Variants in USP34 observed in about 807,000 individuals in gnomAD.
USP34 encodes the protein ubiquitin specific peptidase 34.
Under a neutral mutation model 460.3 loss-of-function variants are expected in USP34, and 70 were observed. That is an observed-to-expected ratio of 0.15 (90% CI 0.13 to 0.19). USP34 has a LOEUF of 0.19. Ranked by LOEUF, USP34 falls within the 10% of genes least tolerant of loss-of-function variation. USP34 has a pLI of 1.00. For missense variants in USP34, 3,985 were observed against 4,236.2 expected (o/e 0.94, Z 1.65); for synonymous variants, 1,647 against 1,405.3 (o/e 1.17, Z -3.85).
chr2:61,267,295 C>G (rs1376617383), intron 41 of USP34, among the ~76,000 whole-genome samples: 1 of 152,140 alleles, frequency 6.6e-6, no homozygotes, highest in Non-Finnish European at 1.5e-5. Flanking sequence ...CAGGGAAACT[C>G]TTGAAAGACG....
intron 1 of USP34, among the ~76,000 whole-genome samples, chr2:61,427,220 G>C: frequency 6.6e-6 from 1 of 152,172 alleles, no homozygotes; most frequent in East Asian, 1.9e-4. Flanking sequence ...AGTAGAGACA[G>C]GGTTTCACCA....
intron 37 of USP34, 42 bp downstream of exon 37, chr2:61,283,100 AAAC>A (rs747445886): frequency 3.1e-5 from 49 of 1,591,410 alleles, no homozygotes; most frequent in Admixed American, 1.4e-4. Context: ...AATAACATGA[AAAC>A]ATACAAAAAA....
intron 1 of USP34, among the ~76,000 whole-genome samples, chr2:61,424,142 T>C (rs1694442308): frequency 6.6e-6 from 1 of 152,156 alleles, no homozygotes; most frequent in African/African-American, 2.4e-5. Context: ...GCATATATAC[T>C]GAAATGAATT....
At chr2:61,467,466 T>C (rs1695807459) in intron 1 of USP34, among the ~76,000 whole-genome samples, 1 of 151,964 alleles carries the variant, frequency 6.6e-6, no homozygotes, top group African/African-American at 2.4e-5. Flanking sequence ...TGAGGTTGCT[T>C]TAATACTAAT....
chr2:61,470,524 G>C, intron 1 of USP34, 126 bp downstream of exon 1: 2 of 418,260 alleles, frequency 4.8e-6, no homozygotes, highest in Non-Finnish European at 8.3e-6. Flanking sequence ...TTCCCGGGGC[G>C]CTAGGCCCGC....
intron 3 of USP34, among the ~76,000 whole-genome samples, chr2:61,401,899 C>A (rs1693732967): frequency 6.6e-6 from 1 of 150,728 alleles, no homozygotes; most frequent in African/African-American, 2.4e-5. Context: ...AAAAAACTTA[C>A]AACACTAGAG....
At chr2:61,263,476 T>C (rs963167797) in intron 43 of USP34, among the ~76,000 whole-genome samples, 1 of 147,358 alleles carries the variant, frequency 6.8e-6, no homozygotes, top group Admixed American at 6.8e-5. Flanking sequence ...CTACTGCGCC[T>C]GGCCAAAGGC....
chr2:61,221,713 G>T, intron 65 of USP34, 107 bp from the exon 66 acceptor site: 1 of 1,012,586 alleles, frequency 9.9e-7, no homozygotes, highest in Non-Finnish European at 1.4e-6. Context: ...TCTGTGTTAG[G>T]GAAGGAGAGC....
At chr2:61,469,738 T>C (rs1000630825) in intron 1 of USP34, among the ~76,000 whole-genome samples, 1 of 152,176 alleles carries the variant, frequency 6.6e-6, no homozygotes, top group Non-Finnish European at 1.5e-5. Context: ...TTTTCAACAA[T>C]CAACTTTTTG....
intron 67 of USP34, chr2:61,220,091 A>G (rs560437014): frequency 2.4e-6 from 1 of 415,588 alleles, no homozygotes; most frequent in Admixed American, 4.3e-5. Flanking sequence ...CTTATCAAGC[A>G]AGGAAACAAA....
At chr2:61,355,380 A>G (rs1692071801) in intron 10 of USP34, among the ~76,000 whole-genome samples, 2 of 152,340 alleles carry the variant, frequency 1.3e-5, no homozygotes, top group Admixed American at 6.5e-5. Flanking sequence ...TTAAAAAACA[A>G]AGAATAATTA....
intron 1 of USP34, among the ~76,000 whole-genome samples, chr2:61,440,084 A>T (rs1694922616): frequency 6.6e-6 from 1 of 152,074 alleles, no homozygotes; most frequent in African/African-American, 2.4e-5. Flanking sequence ...CTGAGGGCTC[A>T]CTGAGGCACC....
At chr2:61,252,012 A>G (rs1688598144) in intron 48 of USP34, among the ~76,000 whole-genome samples, 1 of 151,964 alleles carries the variant, frequency 6.6e-6, no homozygotes, top group Non-Finnish European at 1.5e-5. Flanking sequence ...TCCATTCTGA[A>G]AAGATTTTCC....
chr2:61,307,986 C>T (rs779498991), intron 27 of USP34, among the ~76,000 whole-genome samples: 30 of 152,062 alleles, frequency 2.0e-4, no homozygotes, highest in Non-Finnish European at 2.9e-4. Flanking sequence ...GAGGTTAAGG[C>T]TGTGGTGAAC....
At position 61,223,352 on chromosome 2, in the gene USP34, C is replaced by T. The variant is rs143418277; in HGVS notation, c.7596-56G>A. On this transcript the variant is annotated intron_variant, in intron 62 of 79. Coordinates refer to ENST00000398571, the MANE Select transcript of USP34 (RefSeq NM_014709.4). ...TTCTTCCTTCTGTATTACTTTACAG[C>T]GATTTACAACATGTATCAAAAATTG... The T allele has an allele frequency of 1.6e-4, 237 of 1,493,146 alleles. No individual in the cohort carries two copies. The African/African-American group carries it at 2.7e-3, about 17-fold the overall frequency. 92.5% of individuals were successfully genotyped at this position (1,493,146 alleles called of 1,614,324 possible).
At chr2:61,235,790 G>C in intron 57 of USP34, 55 bp downstream of exon 57, 2 of 1,556,766 alleles carry the variant, frequency 1.3e-6, no homozygotes, top group Non-Finnish European at 1.7e-6. Flanking sequence ...GATCAGAGGG[G>C]GGGAAAAAAA....
chr2:61,195,878 C>T (rs1175195722), intron 75 of USP34, among the ~76,000 whole-genome samples: 1 of 151,962 alleles, frequency 6.6e-6, no homozygotes, highest in African/African-American at 2.4e-5. Flanking sequence ...TTCTCCCCTA[C>T]TATCCCCCCA....
chr2:61,466,831 G>C (rs1695777845), intron 1 of USP34, among the ~76,000 whole-genome samples: 1 of 151,144 alleles, frequency 6.6e-6, no homozygotes, highest in South Asian at 2.1e-4. Flanking sequence ...AGAATCACTT[G>C]AATCCGGGAG....
At chr2:61,370,637 T>A in intron 8 of USP34, 58 bp from the exon 9 acceptor site, 2 of 1,511,164 alleles carry the variant, frequency 1.3e-6, no homozygotes, top group Non-Finnish European at 1.8e-6. Context: ...TTCTCATGTC[T>A]AAAAGGTAGA....
Sources: allele counts gnomAD v4.1 joint callset (sites outside exome capture counted in the v4.1 genomes callset), GRCh38; gene constraint gnomAD v4.1.1; transcripts MANE v1.5; gene names NCBI Gene and HGNC (gene_info 2026-07-23, HGNC 2026-07-21).